The following SNAP47 variants were observed in gnomAD, a reference collection of about 807,000 sequenced individuals.
SNAP47 encodes the protein synaptosome associated protein 47.
A neutral mutation model predicts 31.4 loss-of-function variants in SNAP47; 20 were observed. The ratio of observed to expected loss-of-function variants is 0.64; its 90% CI spans 0.45 to 0.93. The LOEUF (loss-of-function observed/expected upper bound fraction) is 0.93. Among genes scored for constraint, SNAP47 ranks in the 40% least tolerant of loss-of-function variants. The probability of loss-of-function intolerance (pLI) is 0.00; values close to 1 mark genes in which losing one functional copy is unlikely to be tolerated. For synonymous variants in SNAP47, 194 were observed against 213.4 expected (o/e 0.91, Z 0.79); for missense variants, 492 against 528.5 (o/e 0.93, Z 0.68).
chr1:227,768,379 C>T, intron 4 of SNAP47: 1 of 964,838 alleles, frequency 1.0e-6, no homozygotes, highest in Middle Eastern at 5.3e-4. Context: ...GTCTGGGGCT[C>T]TGTCAGGCCC....
chr1:227,734,651 C>T (rs570237031), upstream of SNAP47: 3 of 1,613,968 alleles, frequency 1.9e-6, no homozygotes, highest in East Asian at 2.2e-5. Flanking sequence ...GCCCCATTAC[C>T]TGCACAAGTG....
chr1:227,767,960 G>C (rs1215624972), intron 4 of SNAP47, among the ~76,000 whole-genome samples: 1 of 152,250 alleles, frequency 6.6e-6, no homozygotes, highest in Non-Finnish European at 1.5e-5. Context: ...ATCTTGTCCA[G>C]AGGTTGTTGC....
chr1:227,730,467 A>G (rs1398612597), upstream of SNAP47: 2 of 150,312 alleles, frequency 1.3e-5, no homozygotes, highest in East Asian at 3.9e-4. Flanking sequence ...ATGCAAAAGG[A>G]GTCATGGTCA....
chr1:227,733,230 GA>G, upstream of SNAP47: 1 of 839,644 alleles, frequency 1.2e-6, no homozygotes, highest in South Asian at 1.8e-5. Context: ...AGAGCAAGTA[GA>G]CCCAGGGACC....
chr1:227,733,611 G>A (rs1238978350), upstream of SNAP47: 1 of 1,605,336 alleles, frequency 6.2e-7, no homozygotes, highest in Non-Finnish European at 8.5e-7. Context: ...GGGAAGAGGA[G>A]CCACTTCTTC....
rs1428093607 is a variant in SNAP47, at chr1:227,741,240, T to C, written c.-46+5741T>C. On this transcript the variant is annotated intron_variant, in intron 1 of 4. Transcript: ENST00000617596. The surrounding 1 kb of genome is among the most constrained non-coding windows in gnomAD (Gnocchi z 4.2). ...TGGGGGTGATGTTGAGTTTCTGGCC[T>C]GTGTTGTCTCACCTGGAAAAAGAGG... 6.6e-6 allele frequency among the ~76,000 whole-genome samples: 1 copy of C among 152,112 alleles called. No homozygotes were observed. The highest frequency in any genetic ancestry group is 1.5e-5 in the Non-Finnish European group (1 of 68,018).
intron 2 of SNAP47, among the ~76,000 whole-genome samples, chr1:227,754,099 G>A (rs1359839682): frequency 6.6e-6 from 1 of 152,250 alleles, no homozygotes; most frequent in Non-Finnish European, 1.5e-5. Context: ...TTGAGTGGAA[G>A]TAGCTCTCAG....
intron 4 of SNAP47, among the ~76,000 whole-genome samples, chr1:227,769,240 C>T (rs528861987): frequency 7.2e-5 from 11 of 152,230 alleles, no homozygotes; most frequent in Admixed American, 2.6e-4. Flanking sequence ...TTCACATTCA[C>T]GACTGTGGCA....
chr1:227,734,858 G>A, upstream of SNAP47: 2 of 1,609,474 alleles, frequency 1.2e-6, no homozygotes, highest in South Asian at 1.1e-5. Flanking sequence ...CCTGGGCCCC[G>A]TCCTCACTCC....
intron 3 of SNAP47, among the ~76,000 whole-genome samples, chr1:227,760,703 C>T (rs184578615): frequency 7.2e-5 from 11 of 152,304 alleles, no homozygotes; most frequent in African/African-American, 2.6e-4. Context: ...GCCTCTGATG[C>T]GTTGTATTTG....
At chr1:227,765,528 G>A (rs1273624097) in intron 3 of SNAP47, among the ~76,000 whole-genome samples, 1 of 152,246 alleles carries the variant, frequency 6.6e-6, no homozygotes, top group Non-Finnish European at 1.5e-5. Context: ...CAAATTCAGA[G>A]AAGCACAGTA....
rs1233669593 is a variant in SNAP47 at position 227,762,577 on chromosome 1, G to C, written c.988+3092G>C. On this transcript the variant is annotated intron_variant, in intron 3 of 4. Transcript: ENST00000617596. The surrounding 1 kb of genome is among the most constrained non-coding windows in gnomAD (Gnocchi z 4.2). ...TCTCAGAAATCCCTGCCTCTGGGAC[G>C]AGCGCTGGTGCACGTGTGGCCACAG... 6.6e-6 allele frequency among the ~76,000 whole-genome samples: 1 copy of C among 152,238 alleles called. No individual in the cohort carries two copies. The highest frequency in any genetic ancestry group is 1.5e-5 in the Non-Finnish European group (1 of 68,044).
chr1:227,740,801 A>C (rs542495433), intron 1 of SNAP47, among the ~76,000 whole-genome samples: 1 of 152,244 alleles, frequency 6.6e-6, no homozygotes, highest in South Asian at 2.1e-4. Flanking sequence ...TGGTGACTTT[A>C]CTGAGAGAGG....
At chr1:227,761,911 C>T (rs10916203) in intron 3 of SNAP47, among the ~76,000 whole-genome samples, 99,940 of 152,028 alleles carry the variant, frequency 0.66, 33,949 homozygotes, top group African/African-American at 0.83. Context: ...CAATCTGTGC[C>T]GTTTGAGGTC....
chr1:227,746,450 C>T (rs535291441), intron 1 of SNAP47: 10 of 152,484 alleles, frequency 6.6e-5, no homozygotes, highest in African/African-American at 2.4e-4. Context: ...GATGCAAGCT[C>T]TTCCAATGCA....
At chr1:227,756,524 C>T (rs1192539524) in intron 2 of SNAP47, among the ~76,000 whole-genome samples, 1 of 152,254 alleles carries the variant, frequency 6.6e-6, no homozygotes, top group African/African-American at 2.4e-5. Context: ...CTGGACCCGG[C>T]CCCGGCCATT....
At chr1:227,745,472 G>A (rs1661901657) in intron 1 of SNAP47, among the ~76,000 whole-genome samples, 1 of 152,210 alleles carries the variant, frequency 6.6e-6, no homozygotes, top group Non-Finnish European at 1.5e-5. Context: ...GGCATTTGCT[G>A]CCTAAATACT....
At chr1:227,734,594 C>G, upstream of SNAP47, 4 of 1,581,862 alleles carry the variant, frequency 2.5e-6, no homozygotes, top group Non-Finnish European at 3.5e-6. Context: ...AGAAAGGCCT[C>G]TGGGTTCACG....
intron 2 of SNAP47, among the ~76,000 whole-genome samples, chr1:227,751,336 C>T (rs1003831391): frequency 7.2e-5 from 11 of 152,184 alleles, no homozygotes; most frequent in African/African-American, 2.4e-4. Context: ...TCCTGGCCAC[C>T]GCAGGCCCCA....
Sources: gnomAD v4.1 joint callset for allele counts (sites outside exome capture counted in the v4.1 genomes callset) on GRCh38, gnomAD v4.1.1 for gene constraint, Gnocchi (gnomAD v3.1) non-coding constraint, MANE v1.5 for transcripts, NCBI Gene and HGNC (gene_info 2026-07-23, HGNC 2026-07-21) for gene names.